ARFGEF1: variants seen among roughly 807,000 people sequenced by gnomAD.
The protein encoded by ARFGEF1 is ARF guanine nucleotide exchange factor 1, also known as brefeldin A-inhibited guanine nucleotide-exchange protein 1.
A neutral mutation model predicts 231.0 loss-of-function variants in ARFGEF1; 42 were observed. The ratio of observed to expected loss-of-function variants is 0.18; its 90% confidence interval spans 0.14 to 0.24. The LOEUF (loss-of-function observed/expected upper bound fraction) is 0.24, where lower values mean the gene tolerates loss of function less well. ARFGEF1 is among the 10% of genes least tolerant of loss of function. ARFGEF1 has a pLI of 1.00. For missense variants in ARFGEF1, 1,345 were observed against 2,192.0 expected, an observed-to-expected ratio of 0.61 and a Z score of 7.72; for synonymous variants, 710 against 732.3, an observed-to-expected ratio of 0.97 and a Z score of 0.49.
chr8:67,342,858 C>G (rs918947059), intron 1 of ARFGEF1, among the ~76,000 whole-genome samples: 2 of 152,206 alleles, frequency 1.3e-5, no homozygotes, highest in African/African-American at 4.8e-5. Flanking sequence ...CAGTCCGCAC[C>G]TCACGGACCA....
chr8:67,325,525 C>T (rs1227130891), intron 1 of ARFGEF1, among the ~76,000 whole-genome samples: 1 of 152,122 alleles, frequency 6.6e-6, no homozygotes, highest in Non-Finnish European at 1.5e-5. Flanking sequence ...CATAATGCCC[C>T]ATGTTCCAAA....
chr8:67,202,842 G>C (rs1838381167), intron 36 of ARFGEF1, among the ~76,000 whole-genome samples: 1 of 152,162 alleles, frequency 6.6e-6, no homozygotes, highest in Non-Finnish European at 1.5e-5. Flanking sequence ...TAAACAAGAT[G>C]AAAGAACAAT....
intron 9 of ARFGEF1, among the ~76,000 whole-genome samples, chr8:67,274,784 T>C (rs774851459): frequency 2.0e-5 from 3 of 152,146 alleles, no homozygotes; most frequent in Non-Finnish European, 2.9e-5. Context: ...TCAGCAATAA[T>C]ACCAAATTCT....
chr8:67,175,644 T>C, intron 5 of ARFGEF1: 1 of 681,218 alleles, frequency 1.5e-6, no homozygotes, highest in Non-Finnish European at 2.7e-6. Context: ...TATTCATGCA[T>C]GAGAGGGGCC....
At chr8:67,310,824 C>A (rs1184729488) in intron 1 of ARFGEF1, among the ~76,000 whole-genome samples, 1 of 150,578 alleles carries the variant, frequency 6.6e-6, no homozygotes. Flanking sequence ...TGCCTGGCAA[C>A]CACCCCGTCT....
chr8:67,262,091 T>C (rs959682976), intron 14 of ARFGEF1, among the ~76,000 whole-genome samples: 1 of 152,204 alleles, frequency 6.6e-6, no homozygotes, highest in Non-Finnish European at 1.5e-5. Context: ...AGAGAGATAC[T>C]TCTGTTGAAT....
chr8:67,297,002 C>T (rs1469646535), intron 4 of ARFGEF1, among the ~76,000 whole-genome samples: 1 of 152,124 alleles, frequency 6.6e-6, no homozygotes, highest in East Asian at 1.9e-4. Flanking sequence ...TAAGCATTTT[C>T]ATATTACAAT....
chr8:67,321,929 A>G (rs1807615904), intron 1 of ARFGEF1, among the ~76,000 whole-genome samples: 1 of 152,196 alleles, frequency 6.6e-6, no homozygotes, highest in Non-Finnish European at 1.5e-5. Context: ...CATGGCACAC[A>G]AAAGCCTCCA....
intron 34 of ARFGEF1, among the ~76,000 whole-genome samples, chr8:67,206,526 T>A (rs1012928389): frequency 4.7e-5 from 7 of 149,618 alleles, no homozygotes; most frequent in Non-Finnish European, 1.0e-4. Flanking sequence ...CACAGTCACA[T>A]CCCTCTATCC....
chr8:67,299,249 C>G lies in ARFGEF1; in HGVS notation c.419G>C (p.Gly140Ala). The G allele has an allele frequency of 2.5e-6, 4 of 1,589,458 alleles. No homozygotes were observed. The highest frequency in any genetic ancestry group is 3.4e-6 in the Non-Finnish European group (4 of 1,165,522). The change falls in exon 4 of 39, where the codon GGC becomes GCC. Residue 140 changes from glycine (G) to alanine (A), a missense_variant. By Grantham distance (60) the Gly-to-Ala change is moderately conservative (BLOSUM62 0). Coordinates refer to ENST00000262215, the MANE Select transcript of ARFGEF1 (RefSeq NM_006421.5). ...IIETICGCFQ[G>A]PQTDEGVQLQ... ...CTGAACTCCTTCATCTGTCTGAGGG[C>G]CCTGAAAGCAGCCACATATTGTTTC...
chr8:67,273,863 A>T (rs1805203372), intron 9 of ARFGEF1, among the ~76,000 whole-genome samples: 1 of 152,156 alleles, frequency 6.6e-6, no homozygotes, highest in Admixed American at 6.5e-5. Context: ...AGGCTTACAC[A>T]CTACTTCCTA....
In ARFGEF1 at chr8:67,227,952, T is replaced by G; in HGVS notation, c.3591+11A>C. On this transcript the variant is annotated intron_variant, in intron 25 of 38. Coordinates refer to ENST00000262215, the MANE Select transcript of ARFGEF1 (RefSeq NM_006421.5). ...TACAAATGTAAACAAACACCATAGT[T>G]ATTCAAATACCTTATTAAAATGATC... The G allele has an allele frequency of 6.5e-7, 1 of 1,541,368 alleles. No homozygotes were observed. Among genetic ancestry groups the G allele is most frequent in the Admixed American group, 2.3e-5 (1 of 42,906 alleles).
Position 67,343,451 on chromosome 8 carries a change from G to C in ARFGEF1, c.-164C>G, listed in dbSNP as rs1362396551. The C allele has an allele frequency of 6.6e-6, 9 of 1,359,770 alleles. No homozygotes were observed. Among genetic ancestry groups the C allele is most frequent in the African/African-American group, 2.9e-5 (2 of 68,060 alleles). 84.2% of individuals were successfully genotyped at this position (1,359,770 alleles called of 1,614,324 possible). On this transcript the variant is annotated 5_prime_UTR_variant, in exon 1 of 39. Coordinates refer to ENST00000262215, the MANE Select transcript of ARFGEF1 (RefSeq NM_006421.5). Reference sequence around the variant, plus strand: ...GGATCAGGAAGGGGCGGGCGAGCGGGACCAGCCGCGGTGTCGGCGAAGGGC... The same window carrying C: ...GGATCAGGAAGGGGCGGGCGAGCGGCACCAGCCGCGGTGTCGGCGAAGGGC...
chr8:67,201,389 T>C, intron 37 of ARFGEF1, 78 bp downstream of exon 37: 1 of 1,507,130 alleles, frequency 6.6e-7, no homozygotes, highest in African/African-American at 1.4e-5. Context: ...GCTGTCAGCA[T>C]GGTCCCGCCG....
intron 6 of ARFGEF1, among the ~76,000 whole-genome samples, chr8:67,290,962 T>TA (rs999896645): frequency 1.3e-4 from 20 of 149,026 alleles, no homozygotes; most frequent in East Asian, 2.0e-4. Flanking sequence ...GGCATGGTTT[T>TA]AAAAAAAAAA....
intron 5 of ARFGEF1, chr8:67,190,586 GT>G: frequency 8.1e-7 from 1 of 1,237,754 alleles, no homozygotes; most frequent in African/African-American, 1.5e-5. Context: ...AAGGCTCTTG[GT>G]TTAGCTCTGG....
chr8:67,188,910 T>C (rs1835426892), intron 5 of ARFGEF1, among the ~76,000 whole-genome samples: 1 of 152,202 alleles, frequency 6.6e-6, no homozygotes, highest in Non-Finnish European at 1.5e-5. Flanking sequence ...ATTCACCGCA[T>C]GGCCCAAGAT....
rs952645262 is a variant in ARFGEF1 at position 67,198,298 on chromosome 8, C to G, written c.*636G>C. 1 of 984,666 alleles carries G rather than the reference C, an allele frequency of 1.0e-6. No individual in the cohort carries two copies. Among genetic ancestry groups the G allele is most frequent in the Non-Finnish European group, 1.2e-6 (1 of 828,994 alleles). 61.0% of individuals were successfully genotyped at this position (984,666 alleles called of 1,614,324 possible). On this transcript the variant is annotated 3_prime_UTR_variant, in exon 39 of 39. Transcript: ENST00000262215. ...CCACCCAAATGTTTAGTGCATTTGA[C>G]AAAATATTATGGGTATTTAGCAAAT... is the stretch of plus-strand genomic sequence containing the variant.
rs1838190243 is a variant in ARFGEF1 at position 67,198,443 on chromosome 8, TGA to T, written c.*489_*490del. The T allele has an allele frequency of 1.0e-6, 1 of 987,150 alleles. No individual in the cohort carries two copies. The highest frequency in any genetic ancestry group is 1.2e-6 in the Non-Finnish European group (1 of 830,990). The allele number at this position is 987,150 out of a possible 1,614,324, so 61.1% of individuals were successfully genotyped here. On this transcript the variant is annotated 3_prime_UTR_variant, in exon 39 of 39. Coordinates refer to ENST00000262215, the MANE Select transcript of ARFGEF1 (RefSeq NM_006421.5). ...ATGATTACCAGTATCTCAGATAGCC[TGA>T]GTGTGCAAAAATCTTCAGAATAAGA...
Sources: allele counts gnomAD v4.1 joint callset (sites outside exome capture counted in the v4.1 genomes callset), GRCh38; gene constraint gnomAD v4.1.1; transcripts MANE v1.5; gene names NCBI Gene and HGNC (gene_info 2026-07-23, HGNC 2026-07-21).